Variants in NXNL2 observed in about 807,000 individuals in gnomAD.
NXNL2 encodes the protein nucleoredoxin like 2.
NXNL2 carries 7 observed loss-of-function variants against 11.1 expected under a neutral mutation model. That is an observed-to-expected ratio of 0.63 (90% CI 0.36 to 1.18). The LOEUF (loss-of-function observed/expected upper bound fraction) is 1.18, where lower values mean the gene tolerates loss of function less well. Ranked by LOEUF, NXNL2 falls within the 50% of genes most tolerant of loss-of-function variation. The pLI is 0.02. For synonymous variants in NXNL2, 109 were observed against 101.8 expected (o/e 1.07, Z -0.42); for missense variants, 233 against 217.7 (o/e 1.07, Z -0.44).
At chr9:88,564,072 G>A (rs984253758) in intron 1 of NXNL2, among the ~76,000 whole-genome samples, 4 of 151,808 alleles carry the variant, frequency 2.6e-5, no homozygotes, top group African/African-American at 9.7e-5. Context: ...TTAGCTGGGC[G>A]TGGTGGCATG....
intron 1 of NXNL2, among the ~76,000 whole-genome samples, chr9:88,561,217 C>CGG (rs1188588323): frequency 6.6e-6 from 1 of 152,122 alleles, no homozygotes; most frequent in Non-Finnish European, 1.5e-5. Context: ...AGAGATGGAA[C>CGG]GGGCCTAGCC....
chr9:88,536,814 G>T (rs1829631378), intron 1 of NXNL2, among the ~76,000 whole-genome samples: 1 of 152,200 alleles, frequency 6.6e-6, no homozygotes, highest in Admixed American at 6.5e-5. Context: ...AGCCTTCCAG[G>T]GGGGTAACCT....
Position 88,544,597 on chromosome 9 carries a change from G to A in NXNL2, c.*50G>A, listed in dbSNP as rs1407796341. 11 of 1,464,412 alleles carry A rather than the reference G, an allele frequency of 7.5e-6. No homozygotes were observed. The East Asian group carries it at 7.6e-5, about 10-fold the overall frequency. 90.7% of individuals were successfully genotyped at this position (1,464,412 alleles called of 1,614,324 possible). A position where few individuals can be genotyped will look rare whatever the true frequency, so the allele number is the denominator to read the frequency against. ...GGACAGGTGCTGCTTCTCCAGCACC[G>A]ACGCTGGGGCAAAGAGGAGCATGTT... On this transcript the variant is annotated 3_prime_UTR_variant, in exon 2 of 2. Transcript: ENST00000375854.
downstream of NXNL2, among the ~76,000 whole-genome samples, chr9:88,547,208 G>C (rs1249176811): frequency 1.3e-5 from 2 of 152,244 alleles, no homozygotes; most frequent in Non-Finnish European, 2.9e-5. Context: ...TCATTTCACT[G>C]ATTTCAGCCC....
intron 1 of NXNL2, among the ~76,000 whole-genome samples, chr9:88,542,680 C>G (rs1057467492): frequency 6.6e-6 from 1 of 152,172 alleles, no homozygotes; most frequent in African/African-American, 2.4e-5. Context: ...TTCATTAATA[C>G]TTCCTTTGTG....
At chr9:88,566,566 G>T (rs1411634717) in intron 1 of NXNL2, among the ~76,000 whole-genome samples, 1 of 152,186 alleles carries the variant, frequency 6.6e-6, no homozygotes, top group East Asian at 1.9e-4. Flanking sequence ...GCCTCCGAAA[G>T]TTCTGGGATT....
chr9:88,583,392 G>A (rs1454243641), intron 1 of NXNL2, among the ~76,000 whole-genome samples: 1 of 152,188 alleles, frequency 6.6e-6, no homozygotes, highest in Non-Finnish European at 1.5e-5. Context: ...CCAATCCATA[G>A]CTCACTCTTC....
chr9:88,578,695 G>C (rs770740778), downstream of NXNL2, among the ~76,000 whole-genome samples: 1 of 152,214 alleles, frequency 6.6e-6, no homozygotes, highest in Non-Finnish European at 1.5e-5. Context: ...AGCAGGCTCC[G>C]ACCTCCGGAA....
chr9:88,557,489 CAT>C (rs1289660075), intron 1 of NXNL2, among the ~76,000 whole-genome samples: 1 of 152,228 alleles, frequency 6.6e-6, no homozygotes, highest in Non-Finnish European at 1.5e-5. Context: ...AATGCACAAA[CAT>C]ATGCACAAAC....
At chr9:88,545,698 A>C (rs1328336782), downstream of NXNL2, among the ~76,000 whole-genome samples, 1 of 152,062 alleles carries the variant, frequency 6.6e-6, no homozygotes, top group African/African-American at 2.4e-5. Context: ...TCGTGCCCCA[A>C]ATAAGTCATG....
chr9:88,543,765 A>G (rs1403175004), intron 1 of NXNL2, among the ~76,000 whole-genome samples: 3 of 152,234 alleles, frequency 2.0e-5, no homozygotes, highest in African/African-American at 7.2e-5. Context: ...CACACTAGCC[A>G]CATTCTGAGC....
At chr9:88,547,900 C>A (rs1464804631), downstream of NXNL2, among the ~76,000 whole-genome samples, 1 of 151,430 alleles carries the variant, frequency 6.6e-6, no homozygotes, top group African/African-American at 2.4e-5. Flanking sequence ...ACCTGTAATT[C>A]CAGCTACCCG....
chr9:88,540,113 A>G (rs1346297486), intron 1 of NXNL2, among the ~76,000 whole-genome samples: 1 of 151,982 alleles, frequency 6.6e-6, no homozygotes, highest in Non-Finnish European at 1.5e-5. Context: ...CGGGTGGATC[A>G]CAAAGTCAGG....
At chr9:88,545,151 G>C (rs1397113042), downstream of NXNL2, among the ~76,000 whole-genome samples, 1 of 152,110 alleles carries the variant, frequency 6.6e-6, no homozygotes, top group Non-Finnish European at 1.5e-5. Context: ...ATTTGTAACA[G>C]TATTACAATA....
At chr9:88,570,988 C>T (rs1348680276) in intron 1 of NXNL2, 1 of 340,572 alleles carries the variant, frequency 2.9e-6, no homozygotes, top group African/African-American at 2.3e-5. Context: ...GGTGATCCAC[C>T]CGAGTTGGCC....
chr9:88,555,070 A>T (rs937729954), intron 1 of NXNL2, among the ~76,000 whole-genome samples: 5 of 152,238 alleles, frequency 3.3e-5, no homozygotes, highest in African/African-American at 1.2e-4. Flanking sequence ...AGACTTGATG[A>T]TGTTGCAGGG....
At chr9:88,580,914 T>C (rs568028090) in intron 1 of NXNL2, among the ~76,000 whole-genome samples, 35 of 152,326 alleles carry the variant, frequency 2.3e-4, no homozygotes, top group Middle Eastern at 3.4e-3. Flanking sequence ...TGGCCATGAT[T>C]TTGTGGCACG....
intron 1 of NXNL2, among the ~76,000 whole-genome samples, chr9:88,552,705 G>A (rs1055587355): frequency 2.0e-5 from 3 of 152,024 alleles, no homozygotes; most frequent in East Asian, 1.9e-4. Flanking sequence ...TCCTGACCTC[G>A]TGATCCGCCC....
rs191252130 is a variant in NXNL2 at position 88,573,615 on chromosome 9, G to A, written c.*17-1472G>A. 1.9e-3 allele frequency among the ~76,000 whole-genome samples: 290 copies of A among 152,314 alleles called. 1 individual carries two copies. Among genetic ancestry groups the A allele is most frequent in the African/African-American group, 6.5e-3 (270 of 41,576 alleles). On this transcript the variant is annotated intron_variant, in intron 2 of 2. Coordinates refer to the NXNL2 transcript ENST00000375855. ...TACTCATTGCACTCACGAGCAAGTG[G>A]TTGAATGCATGGAAATGGTAGACTG...
Sources: gnomAD v4.1 joint callset for allele counts (sites outside exome capture counted in the v4.1 genomes callset) on GRCh38, gnomAD v4.1.1 for gene constraint, MANE v1.5 for transcripts, NCBI Gene and HGNC (gene_info 2026-07-23, HGNC 2026-07-21) for gene names.